The following RCOR1 variants were observed in gnomAD, a reference collection of about 807,000 sequenced individuals.
RCOR1 encodes REST corepressor 1, also known as REST corepressor.
RCOR1 carries 12 observed loss-of-function variants against 64.0 expected under a neutral mutation model. The ratio of observed to expected loss-of-function variants is 0.19; its 90% CI spans 0.12 to 0.30. The LOEUF is 0.30. Ranked by LOEUF, RCOR1 falls within the 10% of genes least tolerant of loss-of-function variation. The pLI, the probability that RCOR1 is intolerant of heterozygous loss-of-function variation, is 1.00. For missense variants in RCOR1, 502 were observed against 621.2 expected (o/e 0.81, Z 2.04); for synonymous variants, 279 against 227.2 (o/e 1.23, Z -2.05).
chr14:102,713,405 C>T (rs1416194171), intron 7 of RCOR1, among the ~76,000 whole-genome samples: 6 of 152,086 alleles, frequency 3.9e-5, no homozygotes, highest in Non-Finnish European at 8.8e-5. Context: ...GCTTCAGCCT[C>T]CCAAGTAGCT....
In RCOR1 at chr14:102,691,868, C is replaced by T. The variant is rs148305055; in HGVS notation, c.446-9410C>T. 2.4e-4 allele frequency among the ~76,000 whole-genome samples: 36 copies of T among 152,320 alleles called. No homozygotes were observed. The East Asian group carries it at 6.6e-3, about 28-fold the overall frequency. On this transcript the variant is annotated intron_variant, in intron 3 of 11. Transcript: ENST00000262241. The stretch of plus-strand genomic sequence containing the variant: ...ATCCATTATCAGTTCTTGACTATTA[C>T]AAATATTACTGCTGGGGAAGCATTC...
intron 2 of RCOR1, among the ~76,000 whole-genome samples, chr14:102,641,557 G>A (rs185301808): frequency 9.6e-4 from 144 of 150,724 alleles, no homozygotes; most frequent in Admixed American, 2.0e-3. Context: ...CCAAGATGTC[G>A]CCACTGCACT....
intron 2 of RCOR1, among the ~76,000 whole-genome samples, chr14:102,614,557 A>G (rs1893711347): frequency 6.6e-6 from 1 of 151,784 alleles, no homozygotes; most frequent in African/African-American, 2.4e-5. Flanking sequence ...GATATTGATA[A>G]CTCCCAGACT....
chr14:102,706,960 C>G (rs1895871433), intron 4 of RCOR1, among the ~76,000 whole-genome samples: 1 of 151,890 alleles, frequency 6.6e-6, no homozygotes, highest in South Asian at 2.1e-4. Context: ...GTTGCTGTAC[C>G]TAACAAGTTA....
intron 3 of RCOR1, among the ~76,000 whole-genome samples, chr14:102,684,321 C>CT (rs896986589): frequency 6.6e-6 from 1 of 152,148 alleles, no homozygotes; most frequent in Non-Finnish European, 1.5e-5. Context: ...CACGGAAGGG[C>CT]TTCCAGACAT....
At chr14:102,671,528 T>G (rs552027950) in intron 2 of RCOR1, among the ~76,000 whole-genome samples, 6 of 152,252 alleles carry the variant, frequency 3.9e-5, no homozygotes, top group African/African-American at 1.4e-4. Context: ...CTGAAGTAGC[T>G]GGGACTACAG....
chr14:102,687,811 G>T (rs1047753164), intron 3 of RCOR1, among the ~76,000 whole-genome samples: 13 of 152,146 alleles, frequency 8.5e-5, no homozygotes, highest in Admixed American at 7.9e-4. Context: ...TGATGTTCCC[G>T]TTGGGACTCA....
chr14:102,720,105 A>T (rs1353446076), intron 8 of RCOR1, among the ~76,000 whole-genome samples: 1 of 152,210 alleles, frequency 6.6e-6, no homozygotes, highest in Non-Finnish European at 1.5e-5. Context: ...TCTTCTACTC[A>T]TGAATGTCTT....
intron 2 of RCOR1, among the ~76,000 whole-genome samples, chr14:102,666,899 C>G (rs1894924143): frequency 6.6e-6 from 1 of 152,170 alleles, no homozygotes; most frequent in Non-Finnish European, 1.5e-5. Context: ...CTGTAAAGTA[C>G]TCTTCCATCT....
chr14:102,720,913 T>G, intron 8 of RCOR1, 94 bp from the exon 9 acceptor site: 1 of 644,612 alleles, frequency 1.6e-6, no homozygotes, highest in South Asian at 2.3e-5. Context: ...ACGTCTTTAC[T>G]CTTGGGTTTT....
chr14:102,705,133 A>AC (rs1008515793), intron 4 of RCOR1, among the ~76,000 whole-genome samples: 66 of 151,780 alleles, frequency 4.3e-4, no homozygotes, highest in African/African-American at 1.4e-3. Flanking sequence ...AACAACAACA[A>AC]AAAAAAAGAG....
rs1893154449 is a variant in RCOR1, at chr14:102,592,820, C to T, written c.-67C>T. 2 of 1,174,546 alleles carry T rather than the reference C, an allele frequency of 1.7e-6. No homozygotes were observed. Among genetic ancestry groups the T allele is most frequent in the Non-Finnish European group, 2.1e-6 (2 of 951,428 alleles). The allele number at this position is 1,174,546 out of a possible 1,614,324, so 72.8% of individuals were successfully genotyped here. A position where few individuals can be genotyped will look rare whatever the true frequency, so the allele number is the denominator to read the frequency against. On this transcript the variant is annotated 5_prime_UTR_variant, in exon 1 of 12. Coordinates refer to ENST00000262241, the MANE Select transcript of RCOR1 (RefSeq NM_015156.4). ...CGCGCCGGCCCCGCGCCCCCTCCCC[C>T]GTCTCGGCGCCCCCTCCTCAGGAGC...
intron 5 of RCOR1, among the ~76,000 whole-genome samples, chr14:102,708,212 G>A (rs368557417): frequency 6.6e-6 from 1 of 152,042 alleles, no homozygotes; most frequent in African/African-American, 2.4e-5. Context: ...TGATCCACCC[G>A]CCTCGGCCTC....
intron 3 of RCOR1, among the ~76,000 whole-genome samples, chr14:102,698,454 T>G (rs1895689310): frequency 6.6e-6 from 1 of 152,236 alleles, no homozygotes; most frequent in Non-Finnish European, 1.5e-5. Flanking sequence ...ATACATACAT[T>G]CCTTACTCAG....
chr14:102,702,403 C>T (rs1488672768), intron 4 of RCOR1, among the ~76,000 whole-genome samples: 3 of 151,736 alleles, frequency 2.0e-5, no homozygotes, highest in Non-Finnish European at 2.9e-5. Flanking sequence ...TGCTGGATCT[C>T]ATCTTACCTC....
At chr14:102,623,495 G>A (rs536313111) in intron 2 of RCOR1, among the ~76,000 whole-genome samples, 39 of 151,508 alleles carry the variant, frequency 2.6e-4, no homozygotes, top group African/African-American at 8.9e-4. Context: ...TGCAAGCTCC[G>A]CCTCCTGGGT....
intron 2 of RCOR1, among the ~76,000 whole-genome samples, chr14:102,669,733 A>G (rs1156657043): frequency 6.6e-6 from 1 of 152,200 alleles, no homozygotes; most frequent in Non-Finnish European, 1.5e-5. Context: ...AGTGCCTAGC[A>G]CATAGTAAGC....
chr14:102,668,473 A>G lies in RCOR1; in HGVS notation c.362-13422A>G, dbSNP rs779076047. ...TCTAGTTGGGTATTTACTGGGTAATACAATACAAAGTAAGCAATGGTAATT... is the reference window on the plus strand; with the variant it reads ...TCTAGTTGGGTATTTACTGGGTAATGCAATACAAAGTAAGCAATGGTAATT... On this transcript the variant is annotated intron_variant, in intron 2 of 11. Transcript: ENST00000262241. Among the ~76,000 whole-genome samples, 193 of 152,222 alleles carry G rather than the reference A, an allele frequency of 1.3e-3. 2 individuals carry two copies. The highest frequency in any genetic ancestry group is 4.4e-4 in the Non-Finnish European group (30 of 68,042).
chr14:102,666,391 A>G (rs1160504415), intron 2 of RCOR1, among the ~76,000 whole-genome samples: 1 of 152,206 alleles, frequency 6.6e-6, no homozygotes, highest in Admixed American at 6.5e-5. Context: ...GAGTTTCCAT[A>G]TACCCTACAC....
Sources: allele counts gnomAD v4.1 joint callset (sites outside exome capture counted in the v4.1 genomes callset), GRCh38; gene constraint gnomAD v4.1.1; transcripts MANE v1.5; gene names NCBI Gene and HGNC (gene_info 2026-07-23, HGNC 2026-07-21).